The following ANKS1A variants were observed in gnomAD, a reference collection of about 807,000 sequenced individuals.
ANKS1A encodes the protein ankyrin repeat and SAM domain-containing protein 1A.
In ANKS1A, 55 loss-of-function variants were observed where a neutral mutation model predicts 120.3. That is an observed-to-expected ratio of 0.46 (90% CI 0.37 to 0.57). The LOEUF (loss-of-function observed/expected upper bound fraction) is 0.57, where lower values mean the gene tolerates loss of function less well. Ranked by LOEUF, ANKS1A falls within the 20% of genes least tolerant of loss-of-function variation. The pLI is 0.00. For synonymous variants in ANKS1A, 590 were observed against 604.7 expected (o/e 0.98, Z 0.36); for missense variants, 1,123 against 1,480.3 (o/e 0.76, Z 3.96).
intron 1 of ANKS1A, among the ~76,000 whole-genome samples, chr6:34,910,106 T>C (rs562653930): frequency 1.3e-5 from 2 of 152,050 alleles, no homozygotes; most frequent in South Asian, 4.1e-4. Flanking sequence ...ATCAAAGGAG[T>C]TGAGATTAAC....
chr6:35,075,432 T>C (rs1777298542), intron 13 of ANKS1A, among the ~76,000 whole-genome samples: 3 of 150,932 alleles, frequency 2.0e-5, no homozygotes, highest in African/African-American at 7.3e-5. Flanking sequence ...TTTTTTTTTT[T>C]TGAGATGGAG....
At chr6:34,922,642 T>C (rs1257930176) in intron 1 of ANKS1A, among the ~76,000 whole-genome samples, 2 of 151,754 alleles carry the variant, frequency 1.3e-5, no homozygotes, top group Non-Finnish European at 2.9e-5. Flanking sequence ...TGTGTCCCTG[T>C]GAGCAAACTT....
At chr6:35,071,057 C>T in intron 13 of ANKS1A, 3 of 441,510 alleles carry the variant, frequency 6.8e-6, no homozygotes, top group South Asian at 2.1e-5. Context: ...TTGCCAGACA[C>T]CTCTTTCTAT....
chr6:35,089,928 C>T lies in ANKS1A; in HGVS notation c.*1319C>T. ...CCAGGATGAATAATCCAGGCTTCAGCAACACTCCTCTTTCCCAGCCAGCAA... is the reference window on the plus strand; with the variant it reads ...CCAGGATGAATAATCCAGGCTTCAGTAACACTCCTCTTTCCCAGCCAGCAA... On this transcript the variant is annotated 3_prime_UTR_variant, in exon 24 of 24. Transcript: ENST00000360359. 1 of 1,160,934 alleles carries T rather than the reference C, an allele frequency of 8.6e-7. No individual in the cohort carries two copies. The highest frequency in any genetic ancestry group is 1.6e-5 in the African/African-American group (1 of 62,152). 71.9% of individuals were successfully genotyped at this position (1,160,934 alleles called of 1,614,324 possible). A position where few individuals can be genotyped will look rare whatever the true frequency, so the allele number is the denominator to read the frequency against.
chr6:34,984,967 C>A, intron 7 of ANKS1A, 115 bp from the exon 8 acceptor site: 1 of 863,616 alleles, frequency 1.2e-6, no homozygotes. Flanking sequence ...TTTTCTTGCT[C>A]TGGGTTAGTG....
At chr6:34,904,076 G>A (rs1767510477) in intron 1 of ANKS1A, among the ~76,000 whole-genome samples, 1 of 152,114 alleles carries the variant, frequency 6.6e-6, no homozygotes, top group Non-Finnish European at 1.5e-5. Flanking sequence ...TCTCCATGGG[G>A]GATTGATTCT....
At chr6:34,906,019 C>T (rs1767628785) in intron 1 of ANKS1A, among the ~76,000 whole-genome samples, 1 of 152,140 alleles carries the variant, frequency 6.6e-6, no homozygotes, top group Non-Finnish European at 1.5e-5. Flanking sequence ...CATACTGGCT[C>T]TGGGGAAGGG....
At chr6:35,027,483 G>A (rs1247649263) in intron 11 of ANKS1A, among the ~76,000 whole-genome samples, 1 of 152,158 alleles carries the variant, frequency 6.6e-6, no homozygotes, top group African/African-American at 2.4e-5. Flanking sequence ...ATGCATGCAC[G>A]CATGTGTGTG....
At chr6:34,955,144 CT>C (rs11341017) in intron 1 of ANKS1A, among the ~76,000 whole-genome samples, 87,371 of 146,114 alleles carry the variant, frequency 0.6, 28,265 homozygotes, top group African/African-American at 0.88. Flanking sequence ...CTTTTCTTTT[CT>C]TTTTTTTTTG....
chr6:35,085,858 C>A lies in ANKS1A; in HGVS notation c.3225C>A (p.Gly1075=), dbSNP rs146160816. 2 of 1,613,684 alleles carry A rather than the reference C, an allele frequency of 1.2e-6. No homozygotes were observed. The highest frequency in any genetic ancestry group is 2.7e-5 in the African/African-American group (2 of 74,876). Residue 1075 remains glycine (G), a synonymous_variant, in exon 22 of 24, where the codon GGC becomes GGA. Coordinates refer to ENST00000360359, the MANE Select transcript of ANKS1A (RefSeq NM_015245.3). The surrounding 1 kb of genome is among the most constrained non-coding windows in gnomAD (Gnocchi z 4.7). ...AGGCCCAGAAGTCCAGGGCGACGGG[C>A]GCCTCTGCAGCTGAGATGATTGAAA... ...ALQAQKSRAT[G]ASAAEMIETK...
intron 13 of ANKS1A, among the ~76,000 whole-genome samples, chr6:35,068,695 G>A (rs1416759085): frequency 3.9e-5 from 6 of 152,202 alleles, no homozygotes; most frequent in Non-Finnish European, 5.9e-5. Context: ...AGAGGCTGGA[G>A]GGCTGCAGGG....
At chr6:34,945,985 T>TTA (rs202106326) in intron 1 of ANKS1A, among the ~76,000 whole-genome samples, 12,666 of 146,190 alleles carry the variant, frequency 0.087, 716 homozygotes, top group East Asian at 0.33. Flanking sequence ...TTTTATTTAT[T>TTA]TTTTTTTTTT....
intron 13 of ANKS1A, among the ~76,000 whole-genome samples, chr6:35,061,192 A>G (rs369518823): frequency 6.6e-6 from 1 of 152,230 alleles, no homozygotes; most frequent in Non-Finnish European, 1.5e-5. Flanking sequence ...TCAGGGTCAC[A>G]CTGTCAGTCA....
intron 11 of ANKS1A, chr6:35,038,353 T>A (rs940812085): frequency 1.8e-5 from 8 of 456,282 alleles, no homozygotes; most frequent in Non-Finnish European, 3.5e-5. Flanking sequence ...TCAATACAGT[T>A]TCGACCGGTC....
intron 8 of ANKS1A, among the ~76,000 whole-genome samples, chr6:34,986,632 G>A (rs899652064): frequency 3.9e-5 from 6 of 152,198 alleles, no homozygotes; most frequent in African/African-American, 1.4e-4. Context: ...ATGACCTTAT[G>A]ATTCTTAGAG....
intron 13 of ANKS1A, chr6:35,070,932 T>C: frequency 1.6e-6 from 1 of 644,268 alleles, no homozygotes; most frequent in East Asian, 4.0e-5. Context: ...CCATAGTCCT[T>C]AACTACTACA....
At chr6:34,942,630 G>C (rs535476746) in intron 1 of ANKS1A, among the ~76,000 whole-genome samples, 7 of 152,106 alleles carry the variant, frequency 4.6e-5, no homozygotes, top group Non-Finnish European at 8.8e-5. Flanking sequence ...ATCTTGATTT[G>C]TATGTAAATT....
intron 11 of ANKS1A, among the ~76,000 whole-genome samples, chr6:35,031,984 T>G (rs1325867482): frequency 1.3e-5 from 2 of 152,226 alleles, no homozygotes; most frequent in Non-Finnish European, 2.9e-5. Context: ...CATTAGAGGC[T>G]TAGTCACTCA....
At chr6:34,890,602 A>G (rs1354908976) in intron 1 of ANKS1A, among the ~76,000 whole-genome samples, 1 of 152,176 alleles carries the variant, frequency 6.6e-6, no homozygotes, top group Non-Finnish European at 1.5e-5. Context: ...GATGCTGTAA[A>G]CTTTTCCAAG....
Sources: allele counts gnomAD v4.1 joint callset (sites outside exome capture counted in the v4.1 genomes callset), GRCh38; gene constraint gnomAD v4.1.1; non-coding constraint Gnocchi (gnomAD v3.1); transcripts MANE v1.5; gene names NCBI Gene and HGNC (gene_info 2026-07-23, HGNC 2026-07-21).